SLC16A14: variants seen among roughly 807,000 people sequenced by gnomAD.
SLC16A14 encodes monocarboxylate transporter 14.
SLC16A14 carries 14 observed loss-of-function variants against 35.8 expected under a neutral mutation model. The ratio of observed to expected loss-of-function variants is 0.39; its 90% confidence interval spans 0.26 to 0.61. The LOEUF (loss-of-function observed/expected upper bound fraction) is 0.61. Among genes scored for constraint, SLC16A14 ranks in the 20% least tolerant of loss-of-function variants. SLC16A14 has a pLI of 0.51. For missense variants in SLC16A14, 533 were observed against 655.0 expected, an observed-to-expected ratio of 0.81 and a Z score of 2.03; for synonymous variants, 248 against 258.9, an observed-to-expected ratio of 0.96 and a Z score of 0.40.
intron 2 of SLC16A14, among the ~76,000 whole-genome samples, chr2:230,051,018 A>T (rs1044587898): frequency 2.0e-5 from 3 of 152,208 alleles, no homozygotes; most frequent in Admixed American, 1.3e-4. Context: ...TGGTGTGCAC[A>T]GTCTCTGACC....
Position 230,051,859 on chromosome 2 carries a change from AT to A in SLC16A14, c.260-1956del, listed in dbSNP as rs2077662211. ...AAACTATGAAGGTGAAGACTTATTA[AT>A]TTAATTAACTCTGTTGCATTACAGG... On this transcript the variant is annotated intron_variant, in intron 2 of 4. Coordinates refer to ENST00000295190, the MANE Select transcript of SLC16A14 (RefSeq NM_152527.5). Among the ~76,000 whole-genome samples, 5 of 152,176 alleles carry A rather than the reference AT, an allele frequency of 3.3e-5. No individual in the cohort carries two copies. In the South Asian group the frequency reaches 1.0e-3, roughly 32 times the overall value.
Position 230,043,753 on chromosome 2 carries a change from A to C in SLC16A14, c.1381+1992T>G, listed in dbSNP as rs566195148. 1.2e-3 allele frequency among the ~76,000 whole-genome samples: 182 copies of C among 152,322 alleles called. 1 individual carries two copies. Among genetic ancestry groups the C allele is most frequent in the African/African-American group, 4.3e-3 (178 of 41,588 alleles). On this transcript the variant is annotated intron_variant, in intron 4 of 4. Transcript: ENST00000295190. ...CCATGCTATGCAGACTCCTGTCTCCAGTTCTTGGACAGAAGACAGACCTCG... is the reference window on the plus strand; with the variant it reads ...CCATGCTATGCAGACTCCTGTCTCCCGTTCTTGGACAGAAGACAGACCTCG...
intron 2 of SLC16A14, among the ~76,000 whole-genome samples, chr2:230,057,762 C>A (rs1306268332): frequency 6.6e-6 from 1 of 152,168 alleles, no homozygotes; most frequent in Admixed American, 6.5e-5. Context: ...CATGGTGGCT[C>A]ATGCCTGTAA....
At chr2:230,064,799 T>G (rs1305400958) in intron 1 of SLC16A14, among the ~76,000 whole-genome samples, 1 of 151,984 alleles carries the variant, frequency 6.6e-6, no homozygotes, top group Non-Finnish European at 1.5e-5. Flanking sequence ...TCACCTGAGG[T>G]CGGGAGTGTG....
chr2:230,041,900 C>T (rs1047781863), intron 4 of SLC16A14, among the ~76,000 whole-genome samples: 1 of 152,210 alleles, frequency 6.6e-6, no homozygotes, highest in Non-Finnish European at 1.5e-5. Context: ...GCCAGTCACT[C>T]TGAGCCCACA....
intron 2 of SLC16A14, among the ~76,000 whole-genome samples, chr2:230,054,783 T>C (rs968071442): frequency 6.6e-6 from 1 of 151,854 alleles, no homozygotes; most frequent in African/African-American, 2.4e-5. Context: ...GAATTCATGC[T>C]ACTCATGGGG....
chr2:230,061,624 A>G (rs142915197), intron 1 of SLC16A14, among the ~76,000 whole-genome samples: 2 of 152,336 alleles, frequency 1.3e-5, no homozygotes, highest in East Asian at 3.9e-4. Context: ...ACTCACTTGG[A>G]GATTCTAGTT....
Position 230,068,199 on chromosome 2 carries a change from C to A in SLC16A14, c.-15+356G>T, listed in dbSNP as rs1194550479. On this transcript the variant is annotated intron_variant, in intron 1 of 4. Transcript: ENST00000295190. The surrounding 1 kb of genome is among the most constrained non-coding windows in gnomAD (Gnocchi z 5.1). ...CCGGGCAGCGAGGCTGGGCTCCGGG[C>A]AGAACGCGCTTCTCCAGCCGGACGG... 1.3e-5 allele frequency: 2 copies of A among 152,406 alleles called. No homozygotes were observed. Among genetic ancestry groups the A allele is most frequent in the African/African-American group, 4.8e-5 (2 of 41,482 alleles). The allele number at this position is 152,406 out of a possible 1,614,324, so 9.4% of individuals were successfully genotyped here. A position where few individuals can be genotyped will look rare whatever the true frequency, so the allele number is the denominator to read the frequency against.
chr2:230,039,928 T>C (rs867207895), intron 4 of SLC16A14, among the ~76,000 whole-genome samples: 1 of 152,124 alleles, frequency 6.6e-6, no homozygotes, highest in South Asian at 2.1e-4. Flanking sequence ...TTGGTGGAAG[T>C]GGTTGATTAT....
intron 3 of SLC16A14, among the ~76,000 whole-genome samples, chr2:230,047,923 C>T (rs777731087): frequency 4.6e-5 from 7 of 152,134 alleles, no homozygotes; most frequent in South Asian, 2.1e-4. Flanking sequence ...GTTATCAGGT[C>T]CTTCAATCAA....
At chr2:230,039,373 A>G (rs2077542012) in intron 4 of SLC16A14, among the ~76,000 whole-genome samples, 1 of 152,204 alleles carries the variant, frequency 6.6e-6, no homozygotes, top group South Asian at 2.1e-4. Flanking sequence ...GTGTTCTATC[A>G]TCTTTTCTTA....
intron 4 of SLC16A14, among the ~76,000 whole-genome samples, chr2:230,044,639 C>T (rs72982525): frequency 2.4e-4 from 36 of 151,844 alleles, no homozygotes; most frequent in African/African-American, 8.5e-4. Context: ...CAAATTCCCC[C>T]CTAAAGCCTC....
intron 1 of SLC16A14, among the ~76,000 whole-genome samples, chr2:230,064,288 C>CTGTGTGTGTGTGTGTGTGTGTGTGTG (rs370970241): frequency 6.7e-6 from 1 of 149,582 alleles, no homozygotes; most frequent in Non-Finnish European, 1.5e-5. Context: ...TCAGCCTTGT[C>CTGTGTGTGTGTGTGTGTGTGTGTGTG]TGTGTGTGTG....
chr2:230,040,065 C>T lies in SLC16A14; in HGVS notation c.1382-2534G>A, dbSNP rs185537056. Among the ~76,000 whole-genome samples the T allele has an allele frequency of 1.5e-3, 231 of 152,142 alleles. 2 individuals carry two copies. The highest frequency in any genetic ancestry group is 3.7e-4 in the Non-Finnish European group (25 of 67,998). Reference sequence around the variant, plus strand: ...CTCCTTGTCTGAACATGTCCTGTTCCCCCTTCTGGGTGGGATAGTAATAAA... The same window carrying T: ...CTCCTTGTCTGAACATGTCCTGTTCTCCCTTCTGGGTGGGATAGTAATAAA... On this transcript the variant is annotated intron_variant, in intron 4 of 4. Transcript: ENST00000295190.
In SLC16A14 at chr2:230,035,904, G is replaced by A. The variant is rs1473016528; in HGVS notation, c.*1476C>T. The A allele has an allele frequency of 6.6e-6, 1 of 152,560 alleles. No homozygotes were observed. Among genetic ancestry groups the A allele is most frequent in the Non-Finnish European group, 1.5e-5 (1 of 68,026 alleles). 9.5% of individuals were successfully genotyped at this position (152,560 alleles called of 1,614,324 possible). ...TAACAGCTCAGAAGGGCATGGTTGA[G>A]TATAACTGAAACTGCTGGCTAAAAT... is the stretch of plus-strand genomic sequence containing the variant. On this transcript the variant is annotated 3_prime_UTR_variant, in exon 5 of 5. Transcript: ENST00000295190.
At chr2:230,040,794 G>T (rs551752688) in intron 4 of SLC16A14, among the ~76,000 whole-genome samples, 6 of 152,170 alleles carry the variant, frequency 3.9e-5, no homozygotes, top group African/African-American at 1.4e-4. Flanking sequence ...ATCTCCCTTT[G>T]GTGCCTGTTT....
intron 2 of SLC16A14, among the ~76,000 whole-genome samples, chr2:230,052,000 G>A (rs879714038): frequency 4.7e-5 from 7 of 150,238 alleles, no homozygotes; most frequent in East Asian, 3.9e-4. Context: ...GCAGTGGCGC[G>A]ATCTCGACTC....
intron 1 of SLC16A14, among the ~76,000 whole-genome samples, chr2:230,059,730 A>G (rs1268201168): frequency 1.3e-5 from 2 of 152,206 alleles, no homozygotes; most frequent in Non-Finnish European, 2.9e-5. Context: ...CCTTATAGAG[A>G]TGGATACTGA....
intron 4 of SLC16A14, among the ~76,000 whole-genome samples, chr2:230,040,647 A>G (rs2077554132): frequency 6.6e-6 from 1 of 152,190 alleles, no homozygotes; most frequent in African/African-American, 2.4e-5. Flanking sequence ...TTTTTAAAAA[A>G]AGCACATCCA....
Sources: gnomAD v4.1 joint callset for allele counts (sites outside exome capture counted in the v4.1 genomes callset) on GRCh38, gnomAD v4.1.1 for gene constraint, Gnocchi (gnomAD v3.1) non-coding constraint, MANE v1.5 for transcripts, NCBI Gene and HGNC (gene_info 2026-07-23, HGNC 2026-07-21) for gene names.